Variants in GCNT2 observed in about 807,000 individuals in gnomAD.
The protein encoded by GCNT2 is N-acetyllactosaminide beta-1,6-N-acetylglucosaminyl-transferase.
In GCNT2, 34 loss-of-function variants were observed where a neutral mutation model predicts 34.2. That is an observed-to-expected ratio of 1.00 (90% CI 0.76 to 1.32). The LOEUF is 1.32. Among genes scored for constraint, GCNT2 ranks in the 40% most tolerant of loss-of-function variants. The pLI, the probability that GCNT2 is intolerant of heterozygous loss-of-function variation, is 0.00. For missense variants in GCNT2, 584 were observed against 489.4 expected, an observed-to-expected ratio of 1.19 and a Z score of -1.82; for synonymous variants, 212 against 188.0, an observed-to-expected ratio of 1.13 and a Z score of -1.04.
At position 10,622,742 on chromosome 6, in the gene GCNT2, CTTTTTTTTTTTT is replaced by C. The variant is rs36097125; in HGVS notation, c.1018+1316_1018+1327del. 1.6e-4 allele frequency among the ~76,000 whole-genome samples: 12 copies of C among 74,534 alleles called. 1 individual carries two copies. In the South Asian group the frequency reaches 5.4e-3, roughly 34 times the overall value. 48.9% of individuals were successfully genotyped at this position (74,534 alleles called of 152,430 possible). On this transcript the variant is annotated intron_variant, in intron 4 of 4. Transcript: ENST00000495262. Reference sequence around the variant, plus strand: ...ACTTTGCCTCTACTCCTCAGTCCATCTTTTTTTTTTTTTTTTTTTTTTTTTTTTGAGATGGAT... The same window carrying C: ...ACTTTGCCTCTACTCCTCAGTCCATCTTTTTTTTTTTTTTTTGAGATGGAT...
At position 10,531,040 on chromosome 6, in the gene GCNT2, C is replaced by CAAA. The variant is rs568195630; in HGVS notation, c.925+1219_925+1221dup. On this transcript the variant is annotated intron_variant, in intron 3 of 4. Coordinates refer to ENST00000495262, the MANE Select transcript of GCNT2 (RefSeq NM_145649.5). ...TCGCACTCCAGCGGAGACTCTGTCTCAAAAAAAAAAAAAAAAAGATTTCTA... is the reference window on the plus strand; with the variant it reads ...TCGCACTCCAGCGGAGACTCTGTCTCAAAAAAAAAAAAAAAAAAAAGATTTCTA... Among the ~76,000 whole-genome samples, 207 of 95,834 alleles carry CAAA rather than the reference C, an allele frequency of 2.2e-3. 3 individuals are homozygous for CAAA. Among genetic ancestry groups the CAAA allele is most frequent in the African/African-American group, 6.9e-3 (169 of 24,548 alleles). 62.9% of individuals were successfully genotyped at this position (95,834 alleles called of 152,430 possible).
chr6:10,573,242 T>G lies in GCNT2; in HGVS notation c.925+43406T>G, dbSNP rs1243217250. ...AACTTCTTTTTCCTCGGATGCGACA[T>G]TCGGAATCAGAGAAAAGTTGTTGTG... On this transcript the variant is annotated intron_variant, in intron 3 of 4. Coordinates refer to ENST00000495262, the MANE Select transcript of GCNT2 (RefSeq NM_145649.5). 8.1e-6 allele frequency: 8 copies of G among 985,068 alleles called. No homozygotes were observed. The East Asian group carries it at 5.7e-4, about 70-fold the overall frequency. The allele number at this position is 985,068 out of a possible 1,614,324, so 61.0% of individuals were successfully genotyped here.
intron 1 of GCNT2, among the ~76,000 whole-genome samples, chr6:10,525,126 T>G (rs1240518657): frequency 1.3e-5 from 2 of 152,220 alleles, no homozygotes; most frequent in Non-Finnish European, 2.9e-5. Context: ...TTTTTTCTGC[T>G]TCTCTTTCTA....
At chr6:10,613,397 C>G (rs114854358) in intron 3 of GCNT2, among the ~76,000 whole-genome samples, 2,426 of 151,614 alleles carry the variant, frequency 0.016, 21 homozygotes, top group Middle Eastern at 0.075. Context: ...TTGCCCTGTC[C>G]TAGAAATAAT....
intron 3 of GCNT2, chr6:10,556,134 C>T: frequency 1.5e-6 from 2 of 1,305,728 alleles, no homozygotes; most frequent in East Asian, 3.6e-5. Flanking sequence ...AAACAGCTAG[C>T]AGATGCAAAC....
At chr6:10,600,615 GAA>G in intron 3 of GCNT2, among the ~76,000 whole-genome samples, 1 of 152,192 alleles carries the variant, frequency 6.6e-6, no homozygotes, top group Non-Finnish European at 1.5e-5. Flanking sequence ...GCCTTTTCCG[GAA>G]AGTCATATTT....
At chr6:10,595,340 C>G (rs1023592483) in intron 3 of GCNT2, among the ~76,000 whole-genome samples, 1 of 151,856 alleles carries the variant, frequency 6.6e-6, no homozygotes, top group African/African-American at 2.4e-5. Flanking sequence ...TGCAGTGGCG[C>G]GATCTTGGCT....
chr6:10,616,459 T>A (rs1312429057), intron 3 of GCNT2, among the ~76,000 whole-genome samples: 1 of 152,224 alleles, frequency 6.6e-6, no homozygotes, highest in African/African-American at 2.4e-5. Flanking sequence ...ATCCTGCTGA[T>A]TGGTCTGTTT....
chr6:10,533,712 G>A (rs1028849283), intron 3 of GCNT2, among the ~76,000 whole-genome samples: 6 of 140,436 alleles, frequency 4.3e-5, no homozygotes, highest in African/African-American at 1.6e-4. Flanking sequence ...TCGCTTCAGC[G>A]ATTTAGGAGA....
intron 3 of GCNT2, among the ~76,000 whole-genome samples, chr6:10,605,015 G>A (rs907256357): frequency 6.6e-5 from 10 of 151,662 alleles, no homozygotes; most frequent in African/African-American, 2.2e-4. Flanking sequence ...GCATGGTGGT[G>A]CATACCTGTG....
At chr6:10,602,699 G>A (rs1057334758) in intron 3 of GCNT2, among the ~76,000 whole-genome samples, 3 of 152,148 alleles carry the variant, frequency 2.0e-5, no homozygotes, top group Non-Finnish European at 2.9e-5. Flanking sequence ...TTGGCTGCTC[G>A]TACATGGAAT....
intron 3 of GCNT2, among the ~76,000 whole-genome samples, chr6:10,577,851 AT>A (rs897126434): frequency 6.6e-6 from 1 of 152,080 alleles, no homozygotes; most frequent in African/African-American, 2.4e-5. Flanking sequence ...TATTGAATCC[AT>A]TTAAAGCAAA....
chr6:10,595,913 CTTGTTAT>C (rs1434791830), intron 3 of GCNT2, among the ~76,000 whole-genome samples: 1 of 152,168 alleles, frequency 6.6e-6, no homozygotes, highest in Non-Finnish European at 1.5e-5. Context: ...CAATCATCAA[CTTGTTAT>C]GCAAACTCAA....
intron 4 of GCNT2, among the ~76,000 whole-genome samples, chr6:10,626,146 T>A (rs575282020): frequency 2.6e-5 from 4 of 152,354 alleles, no homozygotes; most frequent in Admixed American, 1.3e-4. Context: ...ATATACACAA[T>A]AATTAACATA....
chr6:10,618,554 C>T (rs1313251869), intron 3 of GCNT2, among the ~76,000 whole-genome samples: 2 of 152,194 alleles, frequency 1.3e-5, no homozygotes, highest in East Asian at 1.9e-4. Flanking sequence ...TGGGAATGTA[C>T]TCTTCATACT....
At chr6:10,594,411 GAT>G (rs954753477) in intron 3 of GCNT2, among the ~76,000 whole-genome samples, 2 of 152,184 alleles carry the variant, frequency 1.3e-5, no homozygotes, top group Admixed American at 6.5e-5. Context: ...GCAAATAACT[GAT>G]ATTTGGGATG....
rs186904587 is a variant in GCNT2 at position 10,559,342 on chromosome 6, T to C, written c.925+29506T>C. ...TGGGTAGAGGAGAGAATGCTACCTT[T>C]TCTTCTCTTTTTTAGGAGAGAGAAC... On this transcript the variant is annotated intron_variant, in intron 3 of 4. Transcript: ENST00000495262. 3.3e-5 allele frequency among the ~76,000 whole-genome samples: 5 copies of C among 152,314 alleles called. No homozygotes were observed. In the East Asian group the frequency reaches 9.7e-4, roughly 29 times the overall value.
At chr6:10,567,678 T>G (rs1361452338) in intron 3 of GCNT2, among the ~76,000 whole-genome samples, 2 of 152,184 alleles carry the variant, frequency 1.3e-5, no homozygotes. Flanking sequence ...GATCTCTTCT[T>G]ACTTCTAATC....
intron 3 of GCNT2, among the ~76,000 whole-genome samples, chr6:10,580,772 C>T (rs181761469): frequency 1.3e-4 from 20 of 152,144 alleles, no homozygotes; most frequent in Admixed American, 1.0e-3. Context: ...AAGCAGAGCT[C>T]GTGGAAGATT....
Sources: allele counts gnomAD v4.1 joint callset (sites outside exome capture counted in the v4.1 genomes callset), GRCh38; gene constraint gnomAD v4.1.1; transcripts MANE v1.5; gene names NCBI Gene and HGNC (gene_info 2026-07-23, HGNC 2026-07-21).